Variants in NBEAL1 observed in about 807,000 individuals in gnomAD.
NBEAL1 encodes the protein neurobeachin-like protein 1.
NBEAL1 carries 273 observed loss-of-function variants against 351.3 expected under a neutral mutation model. The observed-to-expected ratio is 0.78, with a 90% confidence interval of 0.70 to 0.86. NBEAL1 has a LOEUF of 0.86. Ranked by LOEUF, NBEAL1 falls within the 40% of genes least tolerant of loss-of-function variation. The probability of loss-of-function intolerance (pLI) is 0.00; values close to 1 mark genes in which losing one functional copy is unlikely to be tolerated. For missense variants in NBEAL1, 2,961 were observed against 3,201.3 expected, an observed-to-expected ratio of 0.92 and a Z score of 1.81; for synonymous variants, 1,050 against 1,086.4, an observed-to-expected ratio of 0.97 and a Z score of 0.66.
At chr2:203,038,366 CATG>C (rs1176458446) in intron 2 of NBEAL1, among the ~76,000 whole-genome samples, 2 of 149,030 alleles carry the variant, frequency 1.3e-5, no homozygotes, top group East Asian at 3.9e-4. Flanking sequence ...TCTTCACTAA[CATG>C]ATATAGTTTT....
rs114986742 is a variant in NBEAL1 at position 203,054,997 on chromosome 2, C to T, written c.306-1430C>T. 5.0e-3 allele frequency among the ~76,000 whole-genome samples: 761 copies of T among 152,274 alleles called. 6 individuals are homozygous for T. Among genetic ancestry groups the T allele is most frequent in the African/African-American group, 0.017 (723 of 41,556 alleles). ...TGCAATCAGCAGCTTCTCATTGTTT[C>T]ATCTACCTCTGTCAGGACTGGTAGA... On this transcript the variant is annotated intron_variant, in intron 4 of 55. Transcript: ENST00000683969.
Position 203,210,991 on chromosome 2 carries a change from G to A in NBEAL1, c.7819G>A (p.Gly2607Ser). ...TGCATTACATCTGTTTTCTATAAAT[G>A]GCAAGTATCTAGGGTCTCAAATCCT... ...KNALHLFSIN[G>S]KYLGSQILKE... is the part of the protein sequence containing the mutation. Residue 2607 changes from glycine (G) to serine (S), a missense_variant, in exon 54 of 56, where the codon GGC (glycine) becomes AGC (serine). By Grantham distance (56) the Gly-to-Ser change is moderately conservative (BLOSUM62 0). Coordinates refer to ENST00000683969, the MANE Select transcript of NBEAL1 (RefSeq NM_001378026.1). The A allele has an allele frequency of 5.7e-6, 9 of 1,591,926 alleles. No homozygotes were observed. The highest frequency in any genetic ancestry group is 7.7e-6 in the Non-Finnish European group (9 of 1,168,036).
At chr2:203,182,607 C>CT (rs1231524274) in intron 43 of NBEAL1, 1 of 152,186 alleles carries the variant, frequency 6.6e-6, no homozygotes, top group Non-Finnish European at 1.5e-5. Flanking sequence ...ACCAAAGACC[C>CT]TGTGCATTCT....
chr2:203,139,557 C>CCTTT (rs2063311788), intron 31 of NBEAL1, among the ~76,000 whole-genome samples: 2 of 67,644 alleles, frequency 3.0e-5, no homozygotes, highest in Admixed American at 1.9e-4. Flanking sequence ...CCACCCCCAC[C>CCTTT]TTTTTTTTTT....
intron 31 of NBEAL1, among the ~76,000 whole-genome samples, chr2:203,139,759 G>A (rs1370308410): frequency 6.6e-6 from 1 of 151,214 alleles, no homozygotes; most frequent in African/African-American, 2.4e-5. Context: ...TAGAGACGGA[G>A]TTTCACCATG....
At position 203,113,087 on chromosome 2, in the gene NBEAL1, C is replaced by T. The variant is rs1574986702; in HGVS notation, c.2275C>T (p.Pro759Ser). Reference sequence around the variant, plus strand: ...TCCTCCACCATCCCAAATCCCAGATCCACCTTTCTCTTCTCCCATTACCCC... The same window carrying T: ...TCCTCCACCATCCCAAATCCCAGATTCACCTTTCTCTTCTCCCATTACCCC... ...TTPPPSQIPD[P>S]PFSSPITPHR... The change falls in exon 17 of 56, where the codon CCA becomes TCA. Residue 759 changes from proline to serine, a missense_variant. Physicochemically the swap from Pro to Ser is moderately conservative, Grantham distance 74 (BLOSUM62 -1). Coordinates refer to ENST00000683969, the MANE Select transcript of NBEAL1 (RefSeq NM_001378026.1). 2 of 1,549,862 alleles carry T rather than the reference C, an allele frequency of 1.3e-6. No individual in the cohort carries two copies. Among genetic ancestry groups the T allele is most frequent in the Admixed American group, 2.0e-5 (1 of 50,208 alleles).
At chr2:203,071,845 G>A (rs1412497425) in intron 7 of NBEAL1, among the ~76,000 whole-genome samples, 1 of 152,214 alleles carries the variant, frequency 6.6e-6, no homozygotes, top group Non-Finnish European at 1.5e-5. Context: ...TCTCAGGTAA[G>A]CCTAAAACCT....
At position 203,161,628 on chromosome 2, in the gene NBEAL1, C is replaced by CAAAT. The variant is rs71928655; in HGVS notation, c.5714+3855_5714+3858dup. 7.9e-3 allele frequency among the ~76,000 whole-genome samples: 1,081 copies of CAAAT among 137,176 alleles called. 9 individuals are homozygous for CAAAT. The highest frequency in any genetic ancestry group is 0.017 in the Middle Eastern group (5 of 286). 90.0% of individuals were successfully genotyped at this position (137,176 alleles called of 152,430 possible). A position where few individuals can be genotyped will look rare whatever the true frequency, so the allele number is the denominator to read the frequency against. On this transcript the variant is annotated intron_variant, in intron 36 of 55. Coordinates refer to ENST00000683969, the MANE Select transcript of NBEAL1 (RefSeq NM_001378026.1). ...TGGGTGACAGAGCAAGACTCCGTCT[C>CAAAT]AAATAAATAAATAAATAAATAAATA... is the stretch of plus-strand genomic sequence containing the variant.
rs904149898 is a variant in NBEAL1, at chr2:203,221,159, G to A, written c.*3805G>A. Among the ~76,000 whole-genome samples, 9 of 151,800 alleles carry A rather than the reference G, an allele frequency of 5.9e-5. No homozygotes were observed. The highest frequency in any genetic ancestry group is 2.2e-4 in the African/African-American group (9 of 41,336). ...AGTGGTCAGGGGAAACTGTTAACTT[G>A]GATACCAGATTTTTATTTAATGATG... On this transcript the variant is annotated 3_prime_UTR_variant, in exon 56 of 56. Transcript: ENST00000683969.
At position 203,126,849 on chromosome 2, in the gene NBEAL1, C is replaced by T. The variant is rs773445771; in HGVS notation, c.3171C>T (p.Ile1057=). Residue 1057 remains isoleucine, a synonymous_variant, in exon 23 of 56, where the codon ATC becomes ATT. Transcript: ENST00000683969. ...RIGHIQYLST[I]IKDSRRVFRK... is the part of the protein sequence containing the mutation. ...GTCACATACAGTATCTTTCAACCAT[C>T]ATTAAAGACAGCAGGAGAGTTTTCC... 2.4e-5 allele frequency: 38 copies of T among 1,552,364 alleles called. No individual in the cohort carries two copies. Among genetic ancestry groups the T allele is most frequent in the Admixed American group, 1.6e-4 (8 of 50,952 alleles).
intron 25 of NBEAL1, among the ~76,000 whole-genome samples, 182 bp from the exon 26 acceptor site, chr2:203,131,791 G>T (rs528179175): frequency 6.6e-6 from 1 of 152,130 alleles, no homozygotes; most frequent in East Asian, 1.9e-4. Context: ...TAAGTTAATA[G>T]CATTATTTTA....
Position 203,175,177 on chromosome 2 carries a change from T to G in NBEAL1, c.6354T>G (p.Thr2118=). 6.2e-7 allele frequency: 1 copy of G among 1,612,338 alleles called. No individual in the cohort carries two copies. Among genetic ancestry groups the G allele is most frequent in the Non-Finnish European group, 8.5e-7 (1 of 1,179,220 alleles). Residue 2118 remains threonine, a synonymous_variant, in exon 42 of 56, where the codon ACT becomes ACG. Transcript: ENST00000683969. ...AAAATTTTGAGGATCCTATGGGAAC[T>G]ATTGATAAGTTTCACTATGGTACTC... ...KYENFEDPMG[T]IDKFHYGTHY...
chr2:203,151,644 G>A, intron 35 of NBEAL1, 55 bp downstream of exon 35: 2 of 1,473,794 alleles, frequency 1.4e-6, no homozygotes, highest in East Asian at 2.4e-5. Flanking sequence ...GTGTTCGTGG[G>A]GTTGACGATT....
At chr2:203,202,661 A>G (rs756478905) in intron 50 of NBEAL1, 26 bp from the exon 51 acceptor site, 3 of 1,330,808 alleles carry the variant, frequency 2.3e-6, no homozygotes, top group Admixed American at 1.7e-5. Context: ...GAGGCATCTC[A>G]TTTTATTTAA....
At chr2:203,122,176 T>C (rs962009256) in intron 18 of NBEAL1, 78 bp from the exon 19 acceptor site, 9 of 745,174 alleles carry the variant, frequency 1.2e-5, no homozygotes, top group Middle Eastern at 3.4e-4. Flanking sequence ...TTTTGTATTA[T>C]GGTGAAATGT....
intron 44 of NBEAL1, 47 bp downstream of exon 44, chr2:203,183,435 A>G: frequency 9.0e-7 from 1 of 1,110,872 alleles, no homozygotes; most frequent in Non-Finnish European, 1.3e-6. Context: ...AAGATAAAAG[A>G]TGTGTTTTCC....
At chr2:203,050,924 T>G (rs1177658473) in intron 4 of NBEAL1, among the ~76,000 whole-genome samples, 1 of 152,254 alleles carries the variant, frequency 6.6e-6, no homozygotes, top group Non-Finnish European at 1.5e-5. Context: ...TTGGTTCATA[T>G]TCCTCTTGAA....
intron 46 of NBEAL1, chr2:203,190,698 GC>G (rs2065045294): frequency 6.5e-7 from 1 of 1,547,894 alleles, no homozygotes; most frequent in South Asian, 1.2e-5. Flanking sequence ...ATTGCTCTCG[GC>G]TTTCGGCTCG....
intron 36 of NBEAL1, among the ~76,000 whole-genome samples, chr2:203,163,280 A>G (rs1396687539): frequency 6.6e-6 from 1 of 152,262 alleles, no homozygotes; most frequent in Admixed American, 6.5e-5. Context: ...AGTCAAGCCT[A>G]GAATACACAG....
Sources: gnomAD v4.1 joint callset for allele counts (sites outside exome capture counted in the v4.1 genomes callset) on GRCh38, gnomAD v4.1.1 for gene constraint, MANE v1.5 for transcripts, NCBI Gene and HGNC (gene_info 2026-07-23, HGNC 2026-07-21) for gene names.